Variants in PCBP4 observed in about 807,000 individuals in gnomAD.
PCBP4 encodes the protein poly(rC)-binding protein 4.
In PCBP4, 24 loss-of-function variants were observed where a neutral mutation model predicts 46.2. The ratio of observed to expected loss-of-function variants is 0.52; its 90% CI spans 0.38 to 0.73. PCBP4 has a LOEUF of 0.73. Among genes scored for constraint, PCBP4 ranks in the 30% least tolerant of loss-of-function variants. The pLI is 0.00. For synonymous variants in PCBP4, 203 were observed against 224.4 expected, an observed-to-expected ratio of 0.90 and a Z score of 0.85; for missense variants, 407 against 537.0, an observed-to-expected ratio of 0.76 and a Z score of 2.39.
chr3:51,967,140 A>C (rs1303320653), intron 1 of PCBP4, among the ~76,000 whole-genome samples, 186 bp downstream of exon 1: 2 of 151,954 alleles, frequency 1.3e-5, no homozygotes, highest in Non-Finnish European at 2.9e-5. Flanking sequence ...CCCTGGTGCC[A>C]AGGGCGCCTC....
chr3:51,959,727 G>A lies in PCBP4; in HGVS notation c.517-76C>T, dbSNP rs778354081. ...CTCCCCAGCTGCCCAGTGGCCTCAG[G>A]CCCCCACCATGACCCCCAGGGAAAT... is the stretch of plus-strand genomic sequence containing the variant. On this transcript the variant is annotated intron_variant, in intron 8 of 13. Transcript: ENST00000461554. The surrounding 1 kb of genome is among the most constrained non-coding windows in gnomAD (Gnocchi z 5.6). 21 of 1,474,046 alleles carry A rather than the reference G, an allele frequency of 1.4e-5. No homozygotes were observed. The highest frequency in any genetic ancestry group is 1.9e-5 in the Non-Finnish European group (21 of 1,081,300). The allele number at this position is 1,474,046 out of a possible 1,614,324, so 91.3% of individuals were successfully genotyped here. A position where few individuals can be genotyped will look rare whatever the true frequency, so the allele number is the denominator to read the frequency against.
chr3:51,964,375 G>A (rs546668743), intron 1 of PCBP4, among the ~76,000 whole-genome samples: 1 of 152,340 alleles, frequency 6.6e-6, no homozygotes, highest in African/African-American at 2.4e-5. Flanking sequence ...ACAATCCGGG[G>A]GAGGGGAGGG....
Position 51,960,675 on chromosome 3 carries a change from G to A in PCBP4, c.139-33C>T, listed in dbSNP as rs1559760268. 6.4e-7 allele frequency: 1 copy of A among 1,560,696 alleles called. No individual in the cohort carries two copies. The highest frequency in any genetic ancestry group is 1.1e-5 in the South Asian group (1 of 90,030). On this transcript the variant is annotated intron_variant, in intron 5 of 13. Transcript: ENST00000461554. This position sits in a 1 kb window ranked among gnomAD's most constrained non-coding sequence, Gnocchi z 5.0. ...TATAGAATGAGCGCCGGGCAGCGGG[G>A]CATCTTCCCTGCTCCCTTGCCGGAA... is the stretch of plus-strand genomic sequence containing the variant.
In PCBP4 at chr3:51,961,195, T is replaced by G; in HGVS notation, c.46A>C (p.Ile16Leu). The G allele has an allele frequency of 6.2e-7, 1 of 1,613,454 alleles. No homozygotes were observed. Among genetic ancestry groups the G allele is most frequent in the Non-Finnish European group, 8.5e-7 (1 of 1,180,006 alleles). Residue 16 changes from isoleucine to leucine, a missense_variant, in exon 3 of 14, where the codon ATC becomes CTC. Coordinates refer to ENST00000461554, the MANE Select transcript of PCBP4 (RefSeq NM_001174100.2). Reference sequence around the variant, plus strand: ...ATCAGCATCCGCAGCGTGAGGGTGATGCTGAGCTCTGGCTCCTCCTCCAGT... The same window carrying G: ...ATCAGCATCCGCAGCGTGAGGGTGAGGCTGAGCTCTGGCTCCTCCTCCAGT... Reference protein sequence around the residue: ...GGLEEEPELSITLTLRMLMHG... With the variant: ...GGLEEEPELSLTLTLRMLMHG...
chr3:51,964,372 G>A (rs528234621), intron 1 of PCBP4, among the ~76,000 whole-genome samples: 2 of 152,182 alleles, frequency 1.3e-5, no homozygotes, highest in South Asian at 2.1e-4. Flanking sequence ...AGAACAATCC[G>A]GGGGAGGGGA....
intron 1 of PCBP4, among the ~76,000 whole-genome samples, chr3:51,964,146 C>T (rs1340423607): frequency 6.6e-6 from 1 of 152,244 alleles, no homozygotes; most frequent in Non-Finnish European, 1.5e-5. Flanking sequence ...CCTCCCCAGC[C>T]CCAGTGCCCA....
chr3:51,959,643 G>C lies in PCBP4; in HGVS notation c.525C>G (p.Pro175=). ...GATGGTAGGGGATAGTGGCTCCTTT[G>C]GGTGGGGACTGGAAGGCATAAACAG... is the stretch of plus-strand genomic sequence containing the variant. The part of the protein sequence containing the change: ...QICAVILESP[P]KGATIPYHPS... The change falls in exon 9 of 14, where the codon CCC becomes CCG. Residue 175 remains proline, a synonymous_variant. Transcript: ENST00000461554. The surrounding 1 kb of genome is among the most constrained non-coding windows in gnomAD (Gnocchi z 5.6). 1 of 1,551,506 alleles carries C rather than the reference G, an allele frequency of 6.4e-7. No homozygotes were observed. Among genetic ancestry groups the C allele is most frequent in the Non-Finnish European group, 8.7e-7 (1 of 1,146,812 alleles).
chr3:51,961,252 AGGCT>A lies in PCBP4; in HGVS notation c.-16_-13del, dbSNP rs1173948070. The A allele has an allele frequency of 1.2e-6, 2 of 1,609,856 alleles. No homozygotes were observed. Among genetic ancestry groups the A allele is most frequent in the Non-Finnish European group, 1.7e-6 (2 of 1,179,588 alleles). ...TCCGAGCCGCTCATTCTGTCAGGCG[AGGCT>A]GGGGCCACAGCGACCTGCGAGTGTG... On this transcript the variant is annotated 5_prime_UTR_variant, in exon 3 of 14. Coordinates refer to ENST00000461554, the MANE Select transcript of PCBP4 (RefSeq NM_001174100.2).
chr3:51,962,244 A>G (rs1433805953), intron 1 of PCBP4, among the ~76,000 whole-genome samples, 156 bp from the exon 2 acceptor site: 2 of 152,146 alleles, frequency 1.3e-5, no homozygotes, highest in African/African-American at 2.4e-5. Context: ...GTGATGGGTA[A>G]GAAAAGGATT....
chr3:51,960,906 A>T lies in PCBP4; in HGVS notation c.106-8T>A. ...CTTTACAGTCTCGCCCTTCTGTGGG[A>T]GGTACAAAACAGATAATCACTCTTA... On this transcript the variant is annotated splice_polypyrimidine_tract_variant and splice_region_variant and intron_variant, in intron 4 of 13. Transcript: ENST00000461554. The surrounding 1 kb of genome is among the most constrained non-coding windows in gnomAD (Gnocchi z 5.0). The T allele has an allele frequency of 1.2e-6, 2 of 1,608,776 alleles. No homozygotes were observed. Among genetic ancestry groups the T allele is most frequent in the South Asian group, 2.2e-5 (2 of 91,000 alleles).
chr3:51,959,695 C>A lies in PCBP4; in HGVS notation c.517-44G>T. On this transcript the variant is annotated intron_variant, in intron 8 of 13. Transcript: ENST00000461554. This position sits in a 1 kb window ranked among gnomAD's most constrained non-coding sequence, Gnocchi z 5.6. ...GCTCTGTCAGGACCCTCTCAGGCTC[C>A]GATAACCTCCCCAGCTGCCCAGTGG... 1 of 1,524,330 alleles carries A rather than the reference C, an allele frequency of 6.6e-7. No individual in the cohort carries two copies. The highest frequency in any genetic ancestry group is 8.9e-7 in the Non-Finnish European group (1 of 1,122,836). 94.4% of individuals were successfully genotyped at this position (1,524,330 alleles called of 1,614,324 possible).
rs745830326 is a variant in PCBP4, at chr3:51,959,262, C to A, written c.667G>T (p.Ala223Ser). 2 of 1,613,870 alleles carry A rather than the reference C, an allele frequency of 1.2e-6. No individual in the cohort carries two copies. Among genetic ancestry groups the A allele is most frequent in the South Asian group, 1.1e-5 (1 of 91,078 alleles). ...VTKLQQLSSH[A>S]VPFATPSVVP... ...ACGCTGGGTGTGGCAAAGGGGACCG[C>A]ATGGCTTGAGAGCTGCTGGAGCTTG... The change falls in exon 11 of 14, where the codon GCG (alanine) becomes TCG (serine). Residue 223 changes from alanine (A) to serine (S), a missense_variant. Ala to Ser is a moderately conservative substitution (Grantham distance 99). Transcript: ENST00000461554. The surrounding 1 kb of genome is among the most constrained non-coding windows in gnomAD (Gnocchi z 5.6).
At chr3:51,965,252 A>G (rs1353802227) in intron 1 of PCBP4, among the ~76,000 whole-genome samples, 2 of 152,240 alleles carry the variant, frequency 1.3e-5, no homozygotes, top group Non-Finnish European at 2.9e-5. Flanking sequence ...CAGGCCATCA[A>G]GGACCTTCAT....
In PCBP4 at chr3:51,957,913, T is replaced by G; in HGVS notation, c.*148A>C. 1.4e-6 allele frequency: 1 copy of G among 714,436 alleles called. No individual in the cohort carries two copies. The highest frequency in any genetic ancestry group is 2.2e-6 in the Non-Finnish European group (1 of 444,562). The allele number at this position is 714,436 out of a possible 1,614,324, so 44.3% of individuals were successfully genotyped here. On this transcript the variant is annotated 3_prime_UTR_variant, in exon 14 of 14. Coordinates refer to ENST00000461554, the MANE Select transcript of PCBP4 (RefSeq NM_001174100.2). ...CCCACTCTGAGAGAAAGAACTCCCA[T>G]AGATGGAGGCAGGGTAGGGGGTGCA...
chr3:51,966,532 T>G (rs1319011787), intron 1 of PCBP4, among the ~76,000 whole-genome samples: 1 of 152,096 alleles, frequency 6.6e-6, no homozygotes, highest in East Asian at 1.9e-4. Context: ...AGAGCCTTTG[T>G]GGCGGAAGGC....
At chr3:51,964,515 C>T (rs1300455498) in intron 1 of PCBP4, among the ~76,000 whole-genome samples, 11 of 152,286 alleles carry the variant, frequency 7.2e-5, no homozygotes, top group East Asian at 5.8e-4. Flanking sequence ...TCTCACATCC[C>T]CCCACATCCT....
chr3:51,962,286 C>T (rs901373978), intron 1 of PCBP4, among the ~76,000 whole-genome samples, 198 bp from the exon 2 acceptor site: 6 of 152,198 alleles, frequency 3.9e-5, no homozygotes, highest in African/African-American at 1.4e-4. Flanking sequence ...AGGCCATTAA[C>T]TGATGGAGGA....
chr3:51,958,547 G>A lies in PCBP4; in HGVS notation c.924-198C>T, dbSNP rs1341163995. 6.6e-6 allele frequency among the ~76,000 whole-genome samples: 1 copy of A among 151,678 alleles called. No individual in the cohort carries two copies. The highest frequency in any genetic ancestry group is 1.5e-5 in the Non-Finnish European group (1 of 67,968). ...TATAGCACGAGGTGCAGGGAGAAAT[G>A]GGGTGGCCAGAGACCCAGGGAAAAG... On this transcript the variant is annotated intron_variant, in intron 13 of 13. Coordinates refer to ENST00000461554, the MANE Select transcript of PCBP4 (RefSeq NM_001174100.2). This position sits in a 1 kb window ranked among gnomAD's most constrained non-coding sequence, Gnocchi z 5.4.
At position 51,959,836 on chromosome 3, in the gene PCBP4, C is replaced by A; in HGVS notation, c.516+59G>T. 1 of 1,551,356 alleles carries A rather than the reference C, an allele frequency of 6.4e-7. No homozygotes were observed. Among genetic ancestry groups the A allele is most frequent in the African/African-American group, 1.4e-5 (1 of 73,216 alleles). On this transcript the variant is annotated intron_variant, in intron 8 of 13. Coordinates refer to ENST00000461554, the MANE Select transcript of PCBP4 (RefSeq NM_001174100.2). The surrounding 1 kb of genome is among the most constrained non-coding windows in gnomAD (Gnocchi z 5.6). ...GCACAGGCATAGGGTTTGGGGTCCCCGACAAGGCAGACCCAGGGCCCATCT... is the reference window on the plus strand; with the variant it reads ...GCACAGGCATAGGGTTTGGGGTCCCAGACAAGGCAGACCCAGGGCCCATCT...
Sources: allele counts gnomAD v4.1 joint callset (sites outside exome capture counted in the v4.1 genomes callset), GRCh38; gene constraint gnomAD v4.1.1; non-coding constraint Gnocchi (gnomAD v3.1); transcripts MANE v1.5; gene names NCBI Gene and HGNC (gene_info 2026-07-23, HGNC 2026-07-21).